WDR72: variants seen among roughly 807,000 people sequenced by gnomAD.
WDR72 encodes the protein WD repeat domain 72.
WDR72 carries 120 observed loss-of-function variants against 124.2 expected under a neutral mutation model. The observed-to-expected ratio is 0.97, with a 90% CI of 0.83 to 1.12. WDR72 has a LOEUF of 1.12. WDR72 is among the 50% of genes most tolerant of loss of function. WDR72 has a pLI of 0.00. For synonymous variants in WDR72, 452 were observed against 441.7 expected (o/e 1.02, Z -0.29); for missense variants, 1,387 against 1,278.8 (o/e 1.08, Z -1.29).
intron 18 of WDR72, among the ~76,000 whole-genome samples, chr15:53,524,767 A>G (rs1892014653): frequency 6.6e-6 from 1 of 152,108 alleles, no homozygotes; most frequent in Admixed American, 6.6e-5. Context: ...AAAATATAAG[A>G]AAAGCATGAA....
chr15:53,704,112 C>T (rs918145536), intron 11 of WDR72, among the ~76,000 whole-genome samples: 3 of 152,280 alleles, frequency 2.0e-5, no homozygotes, highest in Non-Finnish European at 2.9e-5. Context: ...AAGATATATA[C>T]TCACACATCT....
At chr15:53,619,119 T>C (rs2013886106) in intron 14 of WDR72, among the ~76,000 whole-genome samples, 1 of 152,092 alleles carries the variant, frequency 6.6e-6, no homozygotes, top group African/African-American at 2.4e-5. Context: ...CAGCTATTTC[T>C]TACTCATATT....
At chr15:53,576,202 T>C (rs558681873) in intron 18 of WDR72, among the ~76,000 whole-genome samples, 13 of 152,156 alleles carry the variant, frequency 8.5e-5, no homozygotes, top group Non-Finnish European at 1.5e-5. Flanking sequence ...TCTAGCCCTT[T>C]TTAGGGCTGT....
At position 53,672,978 on chromosome 15, in the gene WDR72, G is replaced by A. The variant is rs140718398; in HGVS notation, c.1766-7210C>T. ...AACCCCATTTCTACAAAAAATAGCT[G>A]GGTATGGTGGTGTACGCCTGTAGTC... On this transcript the variant is annotated intron_variant, in intron 13 of 19. Transcript: ENST00000360509. 3.2e-4 allele frequency among the ~76,000 whole-genome samples: 48 copies of A among 152,154 alleles called. No homozygotes were observed. In the East Asian group the frequency reaches 8.3e-3, roughly 26 times the overall value.
chr15:53,594,162 T>C (rs2012649266), intron 18 of WDR72, among the ~76,000 whole-genome samples: 1 of 152,012 alleles, frequency 6.6e-6, no homozygotes. Flanking sequence ...TGTGACATTG[T>C]TGCCATATTG....
At position 53,705,847 on chromosome 15, in the gene WDR72, C is replaced by T. The variant is rs574142856; in HGVS notation, c.1102+80G>A. On this transcript the variant is annotated intron_variant, in intron 10 of 19. Transcript: ENST00000360509. ...AATTTTTCTTGTTTGTGGTCCCATG[C>T]TGCTCAACTTAGAAGAACAATGAAT... The T allele has an allele frequency of 1.2e-5, 18 of 1,564,122 alleles. No homozygotes were observed. In the African/African-American group the frequency reaches 1.6e-4, roughly 14 times the overall value.
chr15:53,595,077 T>C (rs978880672), intron 18 of WDR72, among the ~76,000 whole-genome samples: 1 of 152,164 alleles, frequency 6.6e-6, no homozygotes, highest in African/African-American at 2.4e-5. Context: ...TATGTTCTTG[T>C]TCTTTTAAAT....
At chr15:53,669,852 G>T (rs2015927447) in intron 13 of WDR72, among the ~76,000 whole-genome samples, 1 of 152,160 alleles carries the variant, frequency 6.6e-6, no homozygotes, top group South Asian at 2.1e-4. Flanking sequence ...GAAACTGAAG[G>T]TTTACAAAAT....
intron 2 of WDR72, among the ~76,000 whole-genome samples, chr15:53,725,597 T>C (rs2017998799): frequency 6.6e-6 from 1 of 152,114 alleles, no homozygotes; most frequent in Admixed American, 6.5e-5. Flanking sequence ...ATGGTACATA[T>C]ATACAATGAA....
At chr15:53,675,173 T>C (rs900820324) in intron 13 of WDR72, among the ~76,000 whole-genome samples, 5 of 152,036 alleles carry the variant, frequency 3.3e-5, no homozygotes, top group African/African-American at 1.2e-4. Context: ...TGAAACCCCA[T>C]CTCTACTAAA....
At position 53,626,178 on chromosome 15, in the gene WDR72, G is replaced by A. The variant is rs143208536; in HGVS notation, c.1963-9935C>T. ...CTTCCAAGATGGTGGCAAGCCTCGT[G>A]TTCTCTGACCTGGGGTTCTAGGCCT... On this transcript the variant is annotated intron_variant, in intron 14 of 19. Transcript: ENST00000360509. 2.9e-3 allele frequency among the ~76,000 whole-genome samples: 442 copies of A among 152,276 alleles called. 3 individuals are homozygous for A. Among genetic ancestry groups the A allele is most frequent in the Non-Finnish European group, 3.7e-3 (254 of 68,016 alleles).
At chr15:53,539,970 A>C (rs1456630674) in intron 18 of WDR72, among the ~76,000 whole-genome samples, 2 of 152,224 alleles carry the variant, frequency 1.3e-5, no homozygotes, top group Non-Finnish European at 2.9e-5. Flanking sequence ...ATTTTTAAAA[A>C]GCAGTGGTCA....
In WDR72 at chr15:53,607,838, T is replaced by A. The variant is rs563510226; in HGVS notation, c.2952+1675A>T. Among the ~76,000 whole-genome samples, 5 of 152,052 alleles carry A rather than the reference T, an allele frequency of 3.3e-5. No individual in the cohort carries two copies. The East Asian group carries it at 5.8e-4, about 18-fold the overall frequency. On this transcript the variant is annotated intron_variant, in intron 17 of 19. Transcript: ENST00000360509. ...AAAATCTAACAATCCAATAAAAAAA[T>A]GGCCAAAATAATTGAATAGACATTT... is the stretch of plus-strand genomic sequence containing the variant.
intron 18 of WDR72, among the ~76,000 whole-genome samples, chr15:53,592,455 G>A (rs550717047): frequency 1.3e-5 from 2 of 152,148 alleles, no homozygotes; most frequent in East Asian, 3.9e-4. Context: ...TACTTCTGCA[G>A]GGCAGGATCA....
chr15:53,683,603 T>C (rs1254526588), intron 13 of WDR72, among the ~76,000 whole-genome samples: 1 of 152,180 alleles, frequency 6.6e-6, no homozygotes, highest in Non-Finnish European at 1.5e-5. Context: ...TCTTACATTA[T>C]GTATTTTACA....
At chr15:53,654,674 C>T (rs1161694277) in intron 14 of WDR72, among the ~76,000 whole-genome samples, 2 of 152,130 alleles carry the variant, frequency 1.3e-5, no homozygotes, top group Admixed American at 6.5e-5. Context: ...TGTAACTAAT[C>T]TCAGTAGCTA....
intron 19 of WDR72, among the ~76,000 whole-genome samples, chr15:53,520,414 A>G (rs896838570): frequency 6.6e-6 from 1 of 152,110 alleles, no homozygotes; most frequent in Non-Finnish European, 1.5e-5. Context: ...CAGGTACATA[A>G]AAATGTTAAA....
chr15:53,523,859 T>C (rs1340146749), intron 18 of WDR72, among the ~76,000 whole-genome samples: 1 of 151,990 alleles, frequency 6.6e-6, no homozygotes, highest in African/African-American at 2.4e-5. Flanking sequence ...GTAGCATGAA[T>C]ATACACTGAA....
chr15:53,557,173 T>G (rs573503551), intron 18 of WDR72, among the ~76,000 whole-genome samples: 45 of 152,188 alleles, frequency 3.0e-4, no homozygotes, highest in African/African-American at 1.1e-3. Context: ...CAACCAGCAG[T>G]GCCATAGCAG....
Sources: gnomAD v4.1 joint callset for allele counts (sites outside exome capture counted in the v4.1 genomes callset) on GRCh38, gnomAD v4.1.1 for gene constraint, MANE v1.5 for transcripts, NCBI Gene and HGNC (gene_info 2026-07-23, HGNC 2026-07-21) for gene names.